Variants in NRBP1 observed in about 807,000 individuals in gnomAD.
The protein encoded by NRBP1 is nuclear receptor-binding protein.
Under a neutral mutation model 76.0 loss-of-function variants are expected in NRBP1, and 10 were observed. The observed-to-expected ratio is 0.13, with a 90% CI of 0.08 to 0.22. The LOEUF is 0.22. NRBP1 is among the 10% of genes least tolerant of loss of function. The pLI, the probability that NRBP1 is intolerant of heterozygous loss-of-function variation, is 1.00. For missense variants in NRBP1, 344 were observed against 646.0 expected (o/e 0.53, Z 5.07); for synonymous variants, 235 against 240.2 (o/e 0.98, Z 0.20).
At chr2:27,436,556 T>C (rs1664315604) in intron 7 of NRBP1, 197 bp from the exon 8 acceptor site, 3 of 577,438 alleles carry the variant, frequency 5.2e-6, no homozygotes, top group Non-Finnish European at 9.3e-6. Flanking sequence ...TGAGAAGCAG[T>C]AGGCCTAAGA....
Position 27,441,852 on chromosome 2 carries a change from C to A in NRBP1, c.*40C>A. The A allele has an allele frequency of 7.9e-7, 1 of 1,271,910 alleles. No homozygotes were observed. The highest frequency in any genetic ancestry group is 1.1e-6 in the Non-Finnish European group (1 of 881,014). 78.8% of individuals were successfully genotyped at this position (1,271,910 alleles called of 1,614,324 possible). A position where few individuals can be genotyped will look rare whatever the true frequency, so the allele number is the denominator to read the frequency against. On this transcript the variant is annotated 3_prime_UTR_variant, in exon 18 of 18. Coordinates refer to ENST00000379852, the MANE Select transcript of NRBP1 (RefSeq NM_013392.4). ...AGGCCCTGATCTGCGCTGTGGCTGTCCCTGGACGTGCTGCAGCCCTCCTGT... is the reference window on the plus strand; with the variant it reads ...AGGCCCTGATCTGCGCTGTGGCTGTACCTGGACGTGCTGCAGCCCTCCTGT...
At chr2:27,428,531 CG>C, upstream of NRBP1, 1 of 396,048 alleles carries the variant, frequency 2.5e-6, no homozygotes, top group Non-Finnish European at 4.5e-6. Context: ...GCCCGAGGGC[CG>C]GGCCCCGCCC....
intron 16 of NRBP1, 30 bp from the exon 17 acceptor site, chr2:27,441,537 T>C (rs570306875): frequency 1.2e-6 from 2 of 1,613,418 alleles, no homozygotes; most frequent in African/African-American, 1.3e-5. Context: ...AGTCCCGTAC[T>C]GTACTCACCC....
intron 7 of NRBP1, chr2:27,435,947 G>A: frequency 1.6e-6 from 1 of 612,292 alleles, no homozygotes; most frequent in South Asian, 1.9e-5. Flanking sequence ...ATTCTGCCTG[G>A]CTGGCCACTT....
At chr2:27,431,916 T>G (rs1344049705) in intron 1 of NRBP1, 3 of 152,354 alleles carry the variant, frequency 2.0e-5, no homozygotes, top group Non-Finnish European at 4.4e-5. Context: ...TGGCACGATC[T>G]CAGCTCACTG....
intron 14 of NRBP1, 75 bp downstream of exon 14, chr2:27,441,015 A>G (rs1156279065): frequency 1.9e-6 from 3 of 1,609,466 alleles, no homozygotes; most frequent in Non-Finnish European, 1.7e-6. Context: ...ATAAGGCTCT[A>G]TCCTTTAGAG....
At chr2:27,432,292 C>T (rs541406533) in intron 1 of NRBP1, among the ~76,000 whole-genome samples, 80 of 152,360 alleles carry the variant, frequency 5.3e-4, no homozygotes, top group Non-Finnish European at 1.3e-4. Context: ...TGGGATTAGA[C>T]TGCCATAAAT....
intron 16 of NRBP1, 45 bp downstream of exon 16, chr2:27,441,375 T>C: frequency 6.3e-7 from 1 of 1,578,168 alleles, no homozygotes; most frequent in Non-Finnish European, 8.7e-7. Context: ...CTATGAGCCT[T>C]ATCTTTTAGG....
At chr2:27,430,411 T>C (rs148970960) in intron 1 of NRBP1, among the ~76,000 whole-genome samples, 2 of 152,044 alleles carry the variant, frequency 1.3e-5, no homozygotes, top group East Asian at 3.9e-4. Context: ...CTTCTGAACT[T>C]AGAGGAGCAC....
intron 6 of NRBP1, 65 bp downstream of exon 6, chr2:27,434,827 G>A: frequency 6.8e-7 from 1 of 1,472,366 alleles, no homozygotes; most frequent in Non-Finnish European, 9.5e-7. Flanking sequence ...ACAGATTTCA[G>A]GGCACTACTC....
chr2:27,434,595 T>A, intron 5 of NRBP1, 35 bp downstream of exon 5: 1 of 1,598,318 alleles, frequency 6.3e-7, no homozygotes, highest in South Asian at 1.1e-5. Context: ...TTGAGGCTGG[T>A]TTTTGGGGGT....
intron 10 of NRBP1, among the ~76,000 whole-genome samples, chr2:27,438,079 C>T (rs1027691783): frequency 8.0e-5 from 12 of 150,762 alleles, no homozygotes; most frequent in African/African-American, 7.3e-5. Context: ...CTCACCTACT[C>T]GGGAGGCTGA....
intron 10 of NRBP1, among the ~76,000 whole-genome samples, chr2:27,438,191 AAG>A (rs1248906889): frequency 6.6e-6 from 1 of 151,992 alleles, no homozygotes; most frequent in African/African-American, 2.4e-5. Flanking sequence ...AAAAAAAAAA[AAG>A]TATGTTAATT....
chr2:27,436,177 C>G, intron 7 of NRBP1: 1 of 266,152 alleles, frequency 3.8e-6, no homozygotes, highest in Non-Finnish European at 7.3e-6. Flanking sequence ...GGAACAGATT[C>G]AAGGGTATTA....
At chr2:27,427,801 C>T (rs185806753), upstream of NRBP1, 5 of 152,308 alleles carry the variant, frequency 3.3e-5, no homozygotes, top group East Asian at 9.7e-4. Context: ...TCATACACGT[C>T]TAAGGGCAGA....
upstream of NRBP1, chr2:27,428,579 G>A: frequency 2.5e-6 from 1 of 397,376 alleles, no homozygotes; most frequent in South Asian, 1.3e-4. Context: ...TGCCGGCGGT[G>A]CGGCACCGCC....
At position 27,433,753 on chromosome 2, in the gene NRBP1, T is replaced by C. The variant is rs993767620; in HGVS notation, c.291T>C (p.Asn97=). The change falls in exon 3 of 18, where the codon AAT becomes AAC. Residue 97 remains asparagine (N), a synonymous_variant. Transcript: ENST00000379852. ...DTEEGVEVVW[N]EVQFSERKNY... is the part of the protein sequence containing the mutation. ...AGGAAGGTGTAGAGGTTGTGTGGAATGAGGTACAGTTCTCTGAACGCAAGA... is the reference window on the plus strand; with the variant it reads ...AGGAAGGTGTAGAGGTTGTGTGGAACGAGGTACAGTTCTCTGAACGCAAGA... 6.2e-7 allele frequency: 1 copy of C among 1,613,920 alleles called. No homozygotes were observed. The highest frequency in any genetic ancestry group is 8.5e-7 in the Non-Finnish European group (1 of 1,179,948).
At chr2:27,430,764 G>GT (rs1664082800) in intron 1 of NRBP1, among the ~76,000 whole-genome samples, 1 of 152,068 alleles carries the variant, frequency 6.6e-6, no homozygotes, top group Admixed American at 6.5e-5. Context: ...CTGGCCCAGG[G>GT]TATCTCTTTC....
chr2:27,438,419 A>C (rs182342916), intron 10 of NRBP1, among the ~76,000 whole-genome samples: 1 of 152,198 alleles, frequency 6.6e-6, no homozygotes, highest in Non-Finnish European at 1.5e-5. Context: ...CAGTTGATAG[A>C]CTATAGTAAG....
Sources: allele counts gnomAD v4.1 joint callset (sites outside exome capture counted in the v4.1 genomes callset), GRCh38; gene constraint gnomAD v4.1.1; transcripts MANE v1.5; gene names NCBI Gene and HGNC (gene_info 2026-07-23, HGNC 2026-07-21).